FAM184B: variants seen among roughly 807,000 people sequenced by gnomAD.
FAM184B encodes the protein protein FAM184B.
A neutral mutation model predicts 135.9 loss-of-function variants in FAM184B; 111 were observed. The ratio of observed to expected loss-of-function variants is 0.82; its 90% CI spans 0.70 to 0.96. The LOEUF is 0.96. FAM184B is among the 40% of genes least tolerant of loss of function. The pLI is 0.00. For missense variants in FAM184B, 1,375 were observed against 1,323.9 expected (o/e 1.04, Z -0.60); for synonymous variants, 552 against 524.8 (o/e 1.05, Z -0.71).
At chr4:17,728,230 G>T (rs1717687818) in intron 1 of FAM184B, among the ~76,000 whole-genome samples, 1 of 152,030 alleles carries the variant, frequency 6.6e-6, no homozygotes, top group African/African-American at 2.4e-5. Flanking sequence ...AGAGGATCAG[G>T]GCCAACATTG....
At chr4:17,652,238 C>T (rs1715640907) in intron 11 of FAM184B, among the ~76,000 whole-genome samples, 1 of 150,838 alleles carries the variant, frequency 6.6e-6, no homozygotes, top group Non-Finnish European at 1.5e-5. Flanking sequence ...CATTCTCCTG[C>T]CTCAGCCTCC....
At chr4:17,725,166 G>A (rs1166019558) in intron 1 of FAM184B, among the ~76,000 whole-genome samples, 8 of 152,126 alleles carry the variant, frequency 5.3e-5, no homozygotes, top group Admixed American at 5.2e-4. Context: ...CTCAGGGACA[G>A]GAACTAGTAG....
intron 8 of FAM184B, among the ~76,000 whole-genome samples, chr4:17,661,920 T>C (rs1187328695): frequency 6.6e-6 from 1 of 152,236 alleles, no homozygotes; most frequent in Admixed American, 6.5e-5. Context: ...TGCACAGATC[T>C]TAAGTGTACA....
intron 1 of FAM184B, among the ~76,000 whole-genome samples, chr4:17,712,732 T>C (rs1247138115): frequency 6.6e-6 from 1 of 151,344 alleles, no homozygotes; most frequent in East Asian, 1.9e-4. Flanking sequence ...TTCCCTAGCA[T>C]AGAGTTTAGA....
At chr4:17,759,846 G>A (rs1303668191) in intron 1 of FAM184B, among the ~76,000 whole-genome samples, 2 of 152,120 alleles carry the variant, frequency 1.3e-5, no homozygotes, top group Non-Finnish European at 2.9e-5. Context: ...GCCATCTTCT[G>A]TAGTGTTTTA....
chr4:17,739,174 C>T (rs1577284262), intron 1 of FAM184B, among the ~76,000 whole-genome samples: 1 of 152,172 alleles, frequency 6.6e-6, no homozygotes, highest in East Asian at 1.9e-4. Context: ...CTCACTTGAC[C>T]CACAAGGTGG....
rs149224557 is a variant in FAM184B at position 17,753,372 on chromosome 4, A to C, written c.141+27787T>G. ...TTATAAGACCAAATTTTATTAAAAC[A>C]AGGCTTTAGAAACTTCTCTGTATGT... On this transcript the variant is annotated intron_variant, in intron 1 of 17. Transcript: ENST00000265018. Among the ~76,000 whole-genome samples the C allele has an allele frequency of 9.5e-3, 1,440 of 152,338 alleles. 21 individuals carry two copies. Among genetic ancestry groups the C allele is most frequent in the African/African-American group, 0.032 (1,340 of 41,574 alleles).
chr4:17,736,477 G>T (rs902660696), intron 1 of FAM184B, among the ~76,000 whole-genome samples: 2 of 152,304 alleles, frequency 1.3e-5, no homozygotes, highest in African/African-American at 4.8e-5. Flanking sequence ...GTTAAATAAG[G>T]TGGAAATGTC....
chr4:17,735,530 AT>A (rs746308005), intron 1 of FAM184B, among the ~76,000 whole-genome samples: 4 of 152,158 alleles, frequency 2.6e-5, no homozygotes, highest in Non-Finnish European at 5.9e-5. Flanking sequence ...ATTGTATTTT[AT>A]TAAAAGGGAA....
intron 1 of FAM184B, among the ~76,000 whole-genome samples, chr4:17,761,703 T>C (rs1447815081): frequency 2.0e-5 from 3 of 152,212 alleles, no homozygotes; most frequent in Non-Finnish European, 1.5e-5. Context: ...GTATTTTTAT[T>C]AGAGAAGGGG....
At chr4:17,704,040 G>GTCTTGATCTT (rs1717051375) in intron 5 of FAM184B, among the ~76,000 whole-genome samples, 1 of 152,032 alleles carries the variant, frequency 6.6e-6, no homozygotes, top group Non-Finnish European at 1.5e-5. Flanking sequence ...TCCAAGACTA[G>GTCTTGATCTT]TCTTGATCTT....
chr4:17,710,530 A>G (rs1194699496), intron 1 of FAM184B, among the ~76,000 whole-genome samples: 2 of 152,208 alleles, frequency 1.3e-5, no homozygotes, highest in Non-Finnish European at 2.9e-5. Context: ...CAAGCAAGGC[A>G]CAGAAGGGAC....
At chr4:17,646,398 C>T (rs926115065) in intron 12 of FAM184B, among the ~76,000 whole-genome samples, 4 of 152,014 alleles carry the variant, frequency 2.6e-5, no homozygotes, top group South Asian at 2.1e-4. Context: ...ACTATGCAGC[C>T]ATAAAAAAGG....
chr4:17,720,280 T>A (rs1052274083), intron 1 of FAM184B, among the ~76,000 whole-genome samples: 3 of 152,186 alleles, frequency 2.0e-5, no homozygotes, highest in Non-Finnish European at 4.4e-5. Context: ...AATTCTGGAT[T>A]TTTCCTTTTA....
chr4:17,739,553 C>CTGTTTTTTTT (rs1717979464), intron 1 of FAM184B, among the ~76,000 whole-genome samples: 1 of 8,682 alleles, frequency 1.2e-4, no homozygotes, highest in African/African-American at 2.4e-4. Flanking sequence ...GTCATACCAA[C>CTGTTTTTTTT]TGTTTTTTTT....
intron 7 of FAM184B, among the ~76,000 whole-genome samples, chr4:17,686,215 C>A (rs1183123582): frequency 2.0e-5 from 3 of 152,202 alleles, no homozygotes. Flanking sequence ...GAGACTGATT[C>A]TTGAGAAACT....
At chr4:17,751,822 G>GACACACACACAC (rs1718298223) in intron 1 of FAM184B, among the ~76,000 whole-genome samples, 1 of 23,126 alleles carries the variant, frequency 4.3e-5, no homozygotes, top group Non-Finnish European at 1.0e-4. Context: ...CTAAAAACAA[G>GACACACACACAC]GCACACACAC....
Position 17,633,688 on chromosome 4 carries a change from C to T in FAM184B, c.3089+1G>A. On this transcript the variant is annotated splice_donor_variant, in intron 17 of 17. Transcript: ENST00000265018. LOFTEE classifies it high-confidence loss of function. ...GCCCCTGTCCCCAACATCCCCCAAA[C>T]CTTGTGGCAGTTTTTGCATCTGTAG... is the stretch of plus-strand genomic sequence containing the variant. 6.5e-7 allele frequency: 1 copy of T among 1,527,532 alleles called. No individual in the cohort carries two copies. Among genetic ancestry groups the T allele is most frequent in the Non-Finnish European group, 8.8e-7 (1 of 1,134,278 alleles). The allele number at this position is 1,527,532 out of a possible 1,614,324, so 94.6% of individuals were successfully genotyped here.
intron 1 of FAM184B, among the ~76,000 whole-genome samples, chr4:17,710,327 A>AAAACAAACAAACAAAC (rs146569453): frequency 1.6e-4 from 24 of 151,188 alleles, no homozygotes; most frequent in African/African-American, 2.7e-4. Flanking sequence ...CTCCATCACA[A>AAAACAAACAAACAAAC]AAACAAACAA....
Sources: gnomAD v4.1 joint callset for allele counts (sites outside exome capture counted in the v4.1 genomes callset) on GRCh38, gnomAD v4.1.1 for gene constraint, MANE v1.5 for transcripts, NCBI Gene and HGNC (gene_info 2026-07-23, HGNC 2026-07-21) for gene names.